The following PDCD11 variants were observed in gnomAD, a reference collection of about 807,000 sequenced individuals.
PDCD11 encodes the protein protein RRP5 homolog.
In PDCD11, 97 loss-of-function variants were observed where a neutral mutation model predicts 198.9. The observed-to-expected ratio is 0.49, with a 90% CI of 0.41 to 0.58. The LOEUF is 0.58. Ranked by LOEUF, PDCD11 falls within the 20% of genes least tolerant of loss-of-function variation. PDCD11 has a pLI of 0.00. For missense variants in PDCD11, 2,102 were observed against 2,312.7 expected (o/e 0.91, Z 1.87); for synonymous variants, 893 against 918.0 (o/e 0.97, Z 0.49).
At position 103,415,162 on chromosome 10, in the gene PDCD11, TGAA is replaced by T; in HGVS notation, c.1518+13_1518+15del. On this transcript the variant is annotated intron_variant, in intron 12 of 35. Coordinates refer to ENST00000369797, the MANE Select transcript of PDCD11 (RefSeq NM_014976.2). ...GAGGTCAAGTGCCGGGTGAGCCTCC[TGAA>T]GGGTCTCTTGGGGTTTTGGCTAGAT... 6.2e-7 allele frequency: 1 copy of T among 1,613,426 alleles called. No individual in the cohort carries two copies. The highest frequency in any genetic ancestry group is 8.5e-7 in the Non-Finnish European group (1 of 1,179,926).
chr10:103,438,905 G>T, intron 27 of PDCD11, 97 bp downstream of exon 27: 2 of 1,289,064 alleles, frequency 1.6e-6, no homozygotes, highest in Non-Finnish European at 2.2e-6. Context: ...TCTTTGATGG[G>T]AATATGAAGG....
chr10:103,403,299 G>T lies in PDCD11; in HGVS notation c.402+14G>T, dbSNP rs771901865. 4 of 1,603,350 alleles carry T rather than the reference G, an allele frequency of 2.5e-6. No individual in the cohort carries two copies. The highest frequency in any genetic ancestry group is 1.3e-5 in the African/African-American group (1 of 74,320). ...CAACCTCTGAAGGTAAGGGAAATCCGAATGAAGCCTGTTATTGAAAATAAG... is the reference window on the plus strand; with the variant it reads ...CAACCTCTGAAGGTAAGGGAAATCCTAATGAAGCCTGTTATTGAAAATAAG... On this transcript the variant is annotated intron_variant, in intron 4 of 35. Coordinates refer to ENST00000369797, the MANE Select transcript of PDCD11 (RefSeq NM_014976.2).
rs12217372 is a variant in PDCD11, at chr10:103,420,856, G to T, written c.2278-492G>T. On this transcript the variant is annotated intron_variant, in intron 16 of 35. Coordinates refer to ENST00000369797, the MANE Select transcript of PDCD11 (RefSeq NM_014976.2). ...CTCTCCTGGAGGCTCTGTTTTTTTT[G>T]TTGTTGTTGTTTGTTTTTGTTTTTG... Among the ~76,000 whole-genome samples the T allele has an allele frequency of 3.7e-4, 55 of 150,078 alleles. No individual in the cohort carries two copies. In the East Asian group the frequency reaches 5.3e-3, roughly 14 times the overall value.
rs556022987 is a variant in PDCD11 at position 103,436,034 on chromosome 10, T to C, written c.3845+1059T>C. Among the ~76,000 whole-genome samples, 14 of 151,692 alleles carry C rather than the reference T, an allele frequency of 9.2e-5. No homozygotes were observed. In the East Asian group the frequency reaches 2.1e-3, roughly 23 times the overall value. On this transcript the variant is annotated intron_variant, in intron 25 of 35. Coordinates refer to ENST00000369797, the MANE Select transcript of PDCD11 (RefSeq NM_014976.2). ...AAATTGGTCTCTTGTTTTTTTCTTT[T>C]TTTTTTTTTTTGAGATAGAGTCTCG...
In PDCD11 at chr10:103,432,133, C is replaced by A; in HGVS notation, c.3373C>A (p.Leu1125Met). Residue 1125 changes from leucine to methionine, a missense_variant, in exon 22 of 36, where the codon CTG becomes ATG. Transcript: ENST00000369797. ...IPELSVRPSE[L>M]EDGHTALNTH... ...ACATTTCCTTTCTGCAAACAGTGAG[C>A]TGGAGGATGGCCACACTGCTCTTAA... 6.2e-7 allele frequency: 1 copy of A among 1,611,168 alleles called. No homozygotes were observed. The highest frequency in any genetic ancestry group is 8.5e-7 in the Non-Finnish European group (1 of 1,177,362).
chr10:103,429,198 C>T (rs950349343), intron 21 of PDCD11, among the ~76,000 whole-genome samples: 5 of 152,152 alleles, frequency 3.3e-5, no homozygotes, highest in Admixed American at 2.0e-4. Context: ...TACCTGCTTA[C>T]TCCTCTGGAG....
Position 103,406,040 on chromosome 10 carries a change from G to T in PDCD11, c.620G>T (p.Gly207Val), listed in dbSNP as rs772400947. 9 of 1,614,194 alleles carry T rather than the reference G, an allele frequency of 5.6e-6. No individual in the cohort carries two copies. The highest frequency in any genetic ancestry group is 7.6e-6 in the Non-Finnish European group (9 of 1,180,018). Residue 207 changes from glycine to valine, a missense_variant, in exon 6 of 36, where the codon GGT (glycine) becomes GTT (valine). Transcript: ENST00000369797. ...LEDHGYLVDI[G>V]VDGTRAFLPL... is the part of the protein sequence containing the mutation. ...GACCATGGCTACCTAGTGGACATTG[G>T]TGTTGATGGGACCAGAGCTTTTCTG...
At chr10:103,440,004 T>C (rs1056429998) in intron 28 of PDCD11, 136 bp downstream of exon 28, 1 of 1,098,428 alleles carries the variant, frequency 9.1e-7, no homozygotes, top group Non-Finnish European at 1.3e-6. Context: ...AAAAGGCCTT[T>C]GTTTGGAACC....
At chr10:103,422,098 T>TTAC (rs898634594) in intron 17 of PDCD11, among the ~76,000 whole-genome samples, 1 of 134,546 alleles carries the variant, frequency 7.4e-6, no homozygotes, top group Non-Finnish European at 1.6e-5. Context: ...ATTATTATTA[T>TTAC]TGAGACCAAG....
In PDCD11 at chr10:103,443,273, C is replaced by T. The variant is rs371227965; in HGVS notation, c.5064C>T (p.Asn1688=). The change falls in exon 33 of 36, where the codon AAC becomes AAT. Residue 1688 remains asparagine, a synonymous_variant. Transcript: ENST00000369797. ...TKVFERAVQY[N]EPLKVFLHLA... is the part of the protein sequence containing the mutation. ...TCTTTGAGCGAGCCGTGCAGTACAA[C>T]GAGCCTCTCAAAGTCTTTCTCCACC... The T allele has an allele frequency of 9.5e-5, 154 of 1,612,960 alleles. No homozygotes were observed. Among genetic ancestry groups the T allele is most frequent in the Admixed American group, 1.5e-4 (9 of 59,968 alleles).
chr10:103,417,824 A>G lies in PDCD11; in HGVS notation c.1803A>G (p.Pro601=). The change falls in exon 14 of 36, where the codon CCA becomes CCG. Residue 601 remains proline (P), a synonymous_variant. Transcript: ENST00000369797. The stretch of plus-strand genomic sequence containing the variant: ...AGGTTGTCGTATTGAACTGTGAGCC[A>G]TCCAAAGAGAGGATGCTCTTATCCT... ...VVKVVVLNCE[P]SKERMLLSFK... 1.2e-6 allele frequency: 2 copies of G among 1,614,200 alleles called. No individual in the cohort carries two copies. Among genetic ancestry groups the G allele is most frequent in the Non-Finnish European group, 1.7e-6 (2 of 1,180,040 alleles).
chr10:103,425,539 G>A lies in PDCD11; in HGVS notation c.3305+14G>A, dbSNP rs564998361. On this transcript the variant is annotated intron_variant, in intron 20 of 35. Transcript: ENST00000369797. ...GAAGACATTCAAGTATGGAGGCTCT[G>A]GGGGTGGGCTGGCTTCGAGGGAGAT... 7.5e-6 allele frequency: 12 copies of A among 1,593,162 alleles called. No homozygotes were observed. The highest frequency in any genetic ancestry group is 6.8e-5 in the East Asian group (3 of 44,362).
chr10:103,404,241 G>A (rs2030301713), intron 4 of PDCD11, among the ~76,000 whole-genome samples: 1 of 151,488 alleles, frequency 6.6e-6, no homozygotes, highest in Non-Finnish European at 1.5e-5. Context: ...CACCCGCCTC[G>A]GCCTCCCAGA....
In PDCD11 at chr10:103,432,052, A is replaced by T. The variant is rs376119991; in HGVS notation, c.3369-77A>T. 4.7e-4 allele frequency: 520 copies of T among 1,110,746 alleles called. 4 individuals are homozygous for T. In the East Asian group the frequency reaches 0.011, roughly 23 times the overall value. 68.8% of individuals were successfully genotyped at this position (1,110,746 alleles called of 1,614,324 possible). A position where few individuals can be genotyped will look rare whatever the true frequency, so the allele number is the denominator to read the frequency against. Reference sequence around the variant, plus strand: ...AGTCCCGTACAGTCAATCCGTGGCCACTTGGGAGAGATGGTTTCAAACTGG... The same window carrying T: ...AGTCCCGTACAGTCAATCCGTGGCCTCTTGGGAGAGATGGTTTCAAACTGG... On this transcript the variant is annotated intron_variant, in intron 21 of 35. Coordinates refer to ENST00000369797, the MANE Select transcript of PDCD11 (RefSeq NM_014976.2).
rs371764243 is a variant in PDCD11, at chr10:103,442,271, C to T, written c.4766C>T (p.Ser1589Phe). Reference sequence around the variant, plus strand: ...AAGCAGAAGGCAGAGAAGGAACTGTCCCGCATTGAGGAGGCGCTGATGGAT... The same window carrying T: ...AAGCAGAAGGCAGAGAAGGAACTGTTCCGCATTGAGGAGGCGCTGATGGAT... ...LEKQKAEKEL[S>F]RIEEALMDPG... The change falls in exon 32 of 36, where the codon TCC (serine) becomes TTC (phenylalanine). Residue 1589 changes from serine (S) to phenylalanine (F), a missense_variant. Ser to Phe is a radical substitution (Grantham distance 155). Coordinates refer to ENST00000369797, the MANE Select transcript of PDCD11 (RefSeq NM_014976.2). 1 of 1,614,210 alleles carries T rather than the reference C, an allele frequency of 6.2e-7. No homozygotes were observed. The highest frequency in any genetic ancestry group is 8.5e-7 in the Non-Finnish European group (1 of 1,180,044).
intron 29 of PDCD11, 23 bp from the exon 30 acceptor site, chr10:103,440,711 C>T (rs761302716): frequency 6.2e-7 from 1 of 1,613,832 alleles, no homozygotes; most frequent in South Asian, 1.1e-5. Context: ...TGCTCCTAGG[C>T]ATTCTCCCAC....
intron 13 of PDCD11, among the ~76,000 whole-genome samples, chr10:103,417,088 G>A (rs2031153530): frequency 6.6e-6 from 1 of 152,156 alleles, no homozygotes. Context: ...ACTAGGAAAA[G>A]CATTTTTTTA....
chr10:103,437,950 T>G, intron 25 of PDCD11, 65 bp from the exon 26 acceptor site: 58 of 1,312,028 alleles, frequency 4.4e-5, no homozygotes, highest in Non-Finnish European at 5.5e-5. Flanking sequence ...GAGAGGAAGC[T>G]GAGACCCTTT....
Position 103,413,265 on chromosome 10 carries a change from T to C in PDCD11, c.1128T>C (p.Phe376=). The C allele has an allele frequency of 1.2e-6, 2 of 1,614,174 alleles. No individual in the cohort carries two copies. Among genetic ancestry groups the C allele is most frequent in the East Asian group, 2.2e-5 (1 of 44,882 alleles). ...AVLDDVPVQG[F]FKKAGATFRL... is the part of the protein sequence containing the mutation. ...TGGATGATGTTCCTGTCCAGGGTTT[T>C]TTCAAAAAGGCTGGGGCCACCTTTA... Residue 376 remains phenylalanine, a synonymous_variant, in exon 9 of 36, where the codon TTT becomes TTC. Coordinates refer to ENST00000369797, the MANE Select transcript of PDCD11 (RefSeq NM_014976.2).
Sources: gnomAD v4.1 joint callset for allele counts (sites outside exome capture counted in the v4.1 genomes callset) on GRCh38, gnomAD v4.1.1 for gene constraint, MANE v1.5 for transcripts, NCBI Gene and HGNC (gene_info 2026-07-23, HGNC 2026-07-21) for gene names.